The following SLC4A4 variants were observed in gnomAD, a reference collection of about 807,000 sequenced individuals.
SLC4A4 encodes electrogenic sodium bicarbonate cotransporter 1.
A neutral mutation model predicts 111.5 loss-of-function variants in SLC4A4; 27 were observed. The ratio of observed to expected loss-of-function variants is 0.24; its 90% CI spans 0.18 to 0.33. SLC4A4 has a LOEUF of 0.33. Ranked by LOEUF, SLC4A4 falls within the 10% of genes least tolerant of loss-of-function variation. The pLI is 1.00. For missense variants in SLC4A4, 909 were observed against 1,315.5 expected (o/e 0.69, Z 4.78); for synonymous variants, 443 against 463.4 (o/e 0.96, Z 0.57).
intron 12 of SLC4A4, among the ~76,000 whole-genome samples, chr4:71,466,069 A>C (rs577310769): frequency 6.6e-6 from 1 of 152,280 alleles, no homozygotes; most frequent in South Asian, 2.1e-4. Flanking sequence ...GAAAGGAACC[A>C]CAAAGAGGAA....
At chr4:71,187,149 T>C (rs1441399715), upstream of SLC4A4, 1 of 151,546 alleles carries the variant, frequency 6.6e-6, no homozygotes, top group African/African-American at 2.4e-5. Context: ...CGCGGGTGAC[T>C]GGCGCCCCGC....
chr4:71,097,348 C>T (rs1742586033), intron 2 of SLC4A4, among the ~76,000 whole-genome samples: 1 of 152,178 alleles, frequency 6.6e-6, no homozygotes, highest in Non-Finnish European at 1.5e-5. Context: ...CCACAAAAGA[C>T]ATGATCTCGT....
At chr4:71,133,662 G>A (rs1408413732) in intron 2 of SLC4A4, among the ~76,000 whole-genome samples, 1 of 152,210 alleles carries the variant, frequency 6.6e-6, no homozygotes, top group Non-Finnish European at 1.5e-5. Flanking sequence ...CAGGTCACAA[G>A]GGTGGCTCAC....
At chr4:71,137,588 C>G (rs774412285) in intron 2 of SLC4A4, among the ~76,000 whole-genome samples, 8 of 152,196 alleles carry the variant, frequency 5.3e-5, no homozygotes, top group Non-Finnish European at 1.0e-4. Flanking sequence ...GTTCCTAGTT[C>G]TGCCACAACT....
intron 1 of SLC4A4, among the ~76,000 whole-genome samples, chr4:71,227,436 G>T (rs1013571621): frequency 6.6e-6 from 1 of 152,178 alleles, no homozygotes; most frequent in Non-Finnish European, 1.5e-5. Flanking sequence ...GATCCAGGGA[G>T]CCCAGAGAGA....
At chr4:71,106,153 T>G (rs1208203451) in intron 2 of SLC4A4, among the ~76,000 whole-genome samples, 5 of 151,694 alleles carry the variant, frequency 3.3e-5, no homozygotes, top group Non-Finnish European at 5.9e-5. Context: ...ATTTATGCAG[T>G]CAAAAAACAC....
chr4:71,203,598 C>T (rs963537879), intron 1 of SLC4A4, among the ~76,000 whole-genome samples: 10 of 152,086 alleles, frequency 6.6e-5, no homozygotes, highest in African/African-American at 2.4e-4. Context: ...TTAGTTATAC[C>T]TTGGCGAAAA....
chr4:71,484,468 A>G (rs1017037998), intron 14 of SLC4A4, among the ~76,000 whole-genome samples: 1 of 151,748 alleles, frequency 6.6e-6, no homozygotes, highest in Non-Finnish European at 1.5e-5. Flanking sequence ...GTTGAAGATC[A>G]GATAGTTGTA....
chr4:71,136,253 C>T (rs1007724116), intron 2 of SLC4A4, among the ~76,000 whole-genome samples: 3 of 152,202 alleles, frequency 2.0e-5, no homozygotes, highest in African/African-American at 4.8e-5. Flanking sequence ...CATTGACAAA[C>T]CAGAGACCAG....
In SLC4A4 at chr4:71,569,934, TCA is replaced by T. The variant is rs965137137; in HGVS notation, c.*2186_*2187del. 3.3e-4 allele frequency: 50 copies of T among 151,880 alleles called. No homozygotes were observed. The highest frequency in any genetic ancestry group is 1.0e-3 in the African/African-American group (42 of 41,514). The allele number at this position is 151,880 out of a possible 1,614,324, so 9.4% of individuals were successfully genotyped here. A position where few individuals can be genotyped will look rare whatever the true frequency, so the allele number is the denominator to read the frequency against. On this transcript the variant is annotated 3_prime_UTR_variant, in exon 26 of 26. Coordinates refer to ENST00000264485, the MANE Select transcript of SLC4A4 (RefSeq NM_001098484.3). ...AAACCTCACTTGCCAAATTCTGGCT[TCA>T]CATTTGTATTTAGGGCTATCCTTAA...
chr4:71,179,199 G>A (rs1216300896), intron 2 of SLC4A4, among the ~76,000 whole-genome samples: 2 of 152,238 alleles, frequency 1.3e-5, no homozygotes, highest in South Asian at 2.1e-4. Context: ...TTGATGGGAT[G>A]TATCTCAAAA....
intron 3 of SLC4A4, among the ~76,000 whole-genome samples, chr4:71,320,628 T>A (rs1727048351): frequency 6.6e-6 from 1 of 152,068 alleles, no homozygotes; most frequent in African/African-American, 2.4e-5. Flanking sequence ...AGTGTAATTC[T>A]AAGAAAGCCA....
At chr4:71,151,756 T>TA (rs35840387) in intron 2 of SLC4A4, among the ~76,000 whole-genome samples, 2,396 of 127,890 alleles carry the variant, frequency 0.019, 35 homozygotes, top group Middle Eastern at 0.055. Context: ...CCATTTCTAC[T>TA]AAAAAAAAAA....
intron 8 of SLC4A4, among the ~76,000 whole-genome samples, chr4:71,442,972 C>A (rs1724863017): frequency 6.6e-6 from 1 of 151,288 alleles, no homozygotes; most frequent in Non-Finnish European, 1.5e-5. Flanking sequence ...TGAAAGGAAA[C>A]AAACCCTATT....
At chr4:71,083,102 C>T (rs1473579725) in intron 1 of SLC4A4, among the ~76,000 whole-genome samples, 1 of 152,058 alleles carries the variant, frequency 6.6e-6, no homozygotes, top group African/African-American at 2.4e-5. Context: ...ATCCACCTGC[C>T]TCGGCCTCCC....
At chr4:71,461,253 A>G (rs1481332219) in intron 12 of SLC4A4, among the ~76,000 whole-genome samples, 5 of 152,082 alleles carry the variant, frequency 3.3e-5, no homozygotes, top group Non-Finnish European at 5.9e-5. Flanking sequence ...ATTTGATGCC[A>G]CCTTTATCTT....
intron 3 of SLC4A4, among the ~76,000 whole-genome samples, chr4:71,281,135 C>T (rs1232921323): frequency 6.6e-6 from 1 of 152,208 alleles, no homozygotes; most frequent in Non-Finnish European, 1.5e-5. Context: ...TGTTTCCTGA[C>T]TTGCGTTTGC....
chr4:71,569,790 T>C lies in SLC4A4; in HGVS notation c.*2039T>C, dbSNP rs10010105. ...ATTACAAAAATTTTATTATCCTGAG[T>C]TAGCTGTTACTTTTACAGTACCTGA... On this transcript the variant is annotated 3_prime_UTR_variant, in exon 26 of 26. Coordinates refer to ENST00000264485, the MANE Select transcript of SLC4A4 (RefSeq NM_001098484.3). 9.4e-4 allele frequency: 142 copies of C among 151,836 alleles called. 1 individual carries two copies. The highest frequency in any genetic ancestry group is 3.1e-3 in the African/African-American group (130 of 41,514). 9.4% of individuals were successfully genotyped at this position (151,836 alleles called of 1,614,324 possible).
At chr4:71,266,794 A>G (rs1312262009) in intron 3 of SLC4A4, among the ~76,000 whole-genome samples, 1 of 152,200 alleles carries the variant, frequency 6.6e-6, no homozygotes, top group Non-Finnish European at 1.5e-5. Context: ...TGAGACTTCA[A>G]TTCAGTGCAG....
Sources: gnomAD v4.1 joint callset for allele counts (sites outside exome capture counted in the v4.1 genomes callset) on GRCh38, gnomAD v4.1.1 for gene constraint, MANE v1.5 for transcripts, NCBI Gene and HGNC (gene_info 2026-07-23, HGNC 2026-07-21) for gene names.